The following USH2A variants were observed in gnomAD, a reference collection of about 807,000 sequenced individuals.
The protein encoded by USH2A is Usher syndrome 2A (autosomal recessive, mild).
A neutral mutation model predicts 538.9 loss-of-function variants in USH2A; 443 were observed. The observed-to-expected ratio is 0.82, with a 90% CI of 0.76 to 0.89. USH2A has a LOEUF of 0.89. Among genes scored for constraint, USH2A ranks in the 40% least tolerant of loss-of-function variants. The pLI, the probability that USH2A is intolerant of heterozygous loss-of-function variation, is 0.00. For missense variants in USH2A, 6,633 were observed against 6,324.8 expected (o/e 1.05, Z -1.65); for synonymous variants, 2,413 against 2,273.5 (o/e 1.06, Z -1.75).
intron 20 of USH2A, 112 bp downstream of exon 20, chr1:216,190,111 A>T: frequency 7.0e-7 from 1 of 1,435,154 alleles, no homozygotes; most frequent in Non-Finnish European, 9.5e-7. Context: ...AATCAGAGTT[A>T]GTGAGGGAGG....
chr1:215,730,673 A>T (rs1659969750), intron 60 of USH2A, among the ~76,000 whole-genome samples: 1 of 152,206 alleles, frequency 6.6e-6, no homozygotes, highest in African/African-American at 2.4e-5. Context: ...TGGCTTTGGG[A>T]ATCTGATGAT....
At chr1:216,091,520 C>T (rs940798301) in intron 22 of USH2A, among the ~76,000 whole-genome samples, 10 of 152,080 alleles carry the variant, frequency 6.6e-5, no homozygotes, top group Admixed American at 5.9e-4. Context: ...TGGCAAGTGC[C>T]CAGTTTGTAA....
At chr1:216,038,228 C>CT (rs995932458) in intron 32 of USH2A, among the ~76,000 whole-genome samples, 1 of 151,964 alleles carries the variant, frequency 6.6e-6, no homozygotes, top group Non-Finnish European at 1.5e-5. Context: ...TCCTCAAAAA[C>CT]TTTTTGTAAA....
chr1:215,927,002 A>G (rs1666254750), intron 38 of USH2A, among the ~76,000 whole-genome samples: 1 of 152,278 alleles, frequency 6.6e-6, no homozygotes, highest in African/African-American at 2.4e-5. Context: ...CTGTAGTTCA[A>G]GGGCAACATT....
rs1249019712 is a variant in USH2A, at chr1:216,212,030, T to G, written c.3158-4599A>C. On this transcript the variant is annotated intron_variant, in intron 15 of 71. Transcript: ENST00000307340. Reference sequence around the variant, plus strand: ...TCAGGAACACAACAGATTTCAGAGTTAGAGCAATCAAAACTGACCTTCAGA... The same window carrying G: ...TCAGGAACACAACAGATTTCAGAGTGAGAGCAATCAAAACTGACCTTCAGA... Among the ~76,000 whole-genome samples the G allele has an allele frequency of 2.6e-5, 4 of 152,314 alleles. No homozygotes were observed. In the South Asian group the frequency reaches 8.3e-4, roughly 32 times the overall value.
intron 20 of USH2A, among the ~76,000 whole-genome samples, chr1:216,186,111 A>G (rs2034595488): frequency 6.6e-6 from 1 of 151,854 alleles, no homozygotes. Flanking sequence ...AGAAAAAAAC[A>G]AACACTAAAA....
chr1:216,021,636 C>A (rs1668847606), intron 32 of USH2A, among the ~76,000 whole-genome samples: 2 of 152,162 alleles, frequency 1.3e-5, no homozygotes, highest in Admixed American at 1.3e-4. Context: ...CTGCAGACTT[C>A]AGATTTTAGA....
At chr1:215,994,364 A>C (rs556332743) in intron 34 of USH2A, among the ~76,000 whole-genome samples, 1 of 152,252 alleles carries the variant, frequency 6.6e-6, no homozygotes, top group East Asian at 1.9e-4. Flanking sequence ...CCAAAGACAG[A>C]AGGAAGCTGA....
chr1:215,794,177 C>T (rs541257021), intron 50 of USH2A, among the ~76,000 whole-genome samples: 65 of 152,260 alleles, frequency 4.3e-4, no homozygotes, highest in Non-Finnish European at 5.9e-5. Flanking sequence ...ACTTCTGTTC[C>T]AACAGCATCT....
At chr1:215,967,038 A>G (rs1667363375) in intron 36 of USH2A, among the ~76,000 whole-genome samples, 1 of 152,158 alleles carries the variant, frequency 6.6e-6, no homozygotes, top group Admixed American at 6.5e-5. Context: ...TTGCTGTAAA[A>G]GGAATATGTG....
chr1:216,318,857 A>G (rs1007119880), intron 9 of USH2A, among the ~76,000 whole-genome samples: 16 of 152,312 alleles, frequency 1.1e-4, no homozygotes, highest in East Asian at 5.8e-4. Flanking sequence ...TCTGAAACCA[A>G]TCATGAGCCT....
At chr1:215,648,820 G>T (rs1656950225) in intron 65 of USH2A, 54 bp from the exon 66 acceptor site, 1 of 1,540,776 alleles carries the variant, frequency 6.5e-7, no homozygotes, top group Admixed American at 1.7e-5. Flanking sequence ...AAAGGTGTTT[G>T]ATGAATGTTA....
rs886038764 is a variant in USH2A at position 216,292,156 on chromosome 1, G to T, written c.1840+19C>A. 6.2e-7 allele frequency: 1 copy of T among 1,613,496 alleles called. No individual in the cohort carries two copies. Among genetic ancestry groups the T allele is most frequent in the African/African-American group, 1.3e-5 (1 of 74,892 alleles). On this transcript the variant is annotated intron_variant, in intron 10 of 71. Coordinates refer to ENST00000307340, the MANE Select transcript of USH2A (RefSeq NM_206933.4). ...CACACAGGCCTCCAAACCAACTCAGGAATTTATTTGCTACTTACCTGTAGT... is the reference window on the plus strand; with the variant it reads ...CACACAGGCCTCCAAACCAACTCAGTAATTTATTTGCTACTTACCTGTAGT...
intron 13 of USH2A, among the ~76,000 whole-genome samples, chr1:216,237,054 T>A (rs1270497068): frequency 6.6e-6 from 1 of 152,174 alleles, no homozygotes; most frequent in East Asian, 1.9e-4. Flanking sequence ...AAACTTATAT[T>A]CTCTGTTCCC....
At chr1:215,626,132 C>T (rs1404588562) in intron 71 of USH2A, among the ~76,000 whole-genome samples, 2 of 151,480 alleles carry the variant, frequency 1.3e-5, no homozygotes, top group Non-Finnish European at 2.9e-5. Context: ...TTAACCTAAG[C>T]CTCAGAAGCC....
intron 35 of USH2A, among the ~76,000 whole-genome samples, chr1:215,973,864 A>G (rs1441767806): frequency 6.6e-6 from 1 of 151,920 alleles, no homozygotes; most frequent in Non-Finnish European, 1.5e-5. Context: ...TCAACTGCTC[A>G]AAAACTTTTT....
At chr1:215,628,133 C>T (rs1016009610) in intron 71 of USH2A, among the ~76,000 whole-genome samples, 5 of 150,068 alleles carry the variant, frequency 3.3e-5, no homozygotes, top group South Asian at 2.1e-4. Flanking sequence ...ATTCTTTTTG[C>T]GTCTACCCAT....
intron 11 of USH2A, among the ~76,000 whole-genome samples, chr1:216,252,413 G>A (rs2036180230): frequency 1.3e-5 from 2 of 152,018 alleles, no homozygotes; most frequent in Admixed American, 6.6e-5. Flanking sequence ...ACCTACATGT[G>A]GAAAGATATT....
chr1:215,917,431 C>T (rs1665983117), intron 38 of USH2A, among the ~76,000 whole-genome samples: 1 of 151,876 alleles, frequency 6.6e-6, no homozygotes, highest in Admixed American at 6.6e-5. Context: ...TACAACAATA[C>T]TGTTCAATTA....
Sources: gnomAD v4.1 joint callset for allele counts (sites outside exome capture counted in the v4.1 genomes callset) on GRCh38, gnomAD v4.1.1 for gene constraint, MANE v1.5 for transcripts, NCBI Gene and HGNC (gene_info 2026-07-23, HGNC 2026-07-21) for gene names.